PPP2R2C: variants seen among roughly 807,000 people sequenced by gnomAD.
PPP2R2C encodes the protein protein phosphatase 2, regulatory subunit B, gamma.
Under a neutral mutation model 45.3 loss-of-function variants are expected in PPP2R2C, and 10 were observed. The ratio of observed to expected loss-of-function variants is 0.22; its 90% CI spans 0.14 to 0.37. The LOEUF (loss-of-function observed/expected upper bound fraction) is 0.37, where lower values mean the gene tolerates loss of function less well. PPP2R2C is among the 10% of genes least tolerant of loss of function. The pLI is 1.00. For synonymous variants in PPP2R2C, 257 were observed against 245.4 expected (o/e 1.05, Z -0.44); for missense variants, 308 against 619.7 (o/e 0.50, Z 5.34).
At chr4:6,455,786 C>A (rs969650572) in intron 1 of PPP2R2C, among the ~76,000 whole-genome samples, 1 of 152,200 alleles carries the variant, frequency 6.6e-6, no homozygotes, top group Non-Finnish European at 1.5e-5. Flanking sequence ...GAACACACCA[C>A]GCCGTGCTGT....
At chr4:6,359,387 C>A (rs1713524325) in intron 5 of PPP2R2C, among the ~76,000 whole-genome samples, 1 of 152,062 alleles carries the variant, frequency 6.6e-6, no homozygotes. Flanking sequence ...GGAGAAATAC[C>A]TAATGTAAAT....
At chr4:6,347,794 C>T in intron 6 of PPP2R2C, 52 bp downstream of exon 6, 3 of 822,904 alleles carry the variant, frequency 3.6e-6, no homozygotes, top group Non-Finnish European at 5.6e-6. Flanking sequence ...GGACATCCCA[C>T]CCGCCCGCCT....
At chr4:6,432,451 C>T (rs1266020419) in intron 1 of PPP2R2C, among the ~76,000 whole-genome samples, 1 of 152,202 alleles carries the variant, frequency 6.6e-6, no homozygotes, top group East Asian at 1.9e-4. Flanking sequence ...CCTGCTGCCT[C>T]GTTTCCCCCT....
intron 3 of PPP2R2C, among the ~76,000 whole-genome samples, chr4:6,377,217 C>T (rs1301797202): frequency 3.3e-5 from 5 of 152,198 alleles, no homozygotes; most frequent in Non-Finnish European, 7.3e-5. Context: ...ACCTCGAAGC[C>T]TGGCTGGTGC....
intron 6 of PPP2R2C, among the ~76,000 whole-genome samples, chr4:6,337,159 T>C (rs1733041469): frequency 8.8e-6 from 1 of 113,130 alleles, no homozygotes; most frequent in South Asian, 3.1e-4. Context: ...TATATATATA[T>C]ATTTGTAGTT....
chr4:6,489,106 C>T (rs1014505811), intron 2 of PPP2R2C, among the ~76,000 whole-genome samples: 1 of 152,294 alleles, frequency 6.6e-6, no homozygotes, highest in Non-Finnish European at 1.5e-5. Context: ...TCTTTCAACT[C>T]GGGGGTTCCA....
At chr4:6,556,332 T>C (rs1396684850) in intron 1 of PPP2R2C, among the ~76,000 whole-genome samples, 2 of 152,188 alleles carry the variant, frequency 1.3e-5, no homozygotes, top group African/African-American at 4.8e-5. Context: ...TCTCTCTGTC[T>C]GTCTGCTGGA....
At chr4:6,425,804 G>A (rs930511683) in intron 1 of PPP2R2C, among the ~76,000 whole-genome samples, 4 of 150,964 alleles carry the variant, frequency 2.6e-5, no homozygotes, top group Admixed American at 6.7e-5. Flanking sequence ...GCCCAGAATC[G>A]ATGCTTGGCT....
chr4:6,539,767 C>G (rs536721771), intron 1 of PPP2R2C, among the ~76,000 whole-genome samples: 1 of 152,268 alleles, frequency 6.6e-6, no homozygotes, highest in Non-Finnish European at 1.5e-5. Context: ...TCCCGATTAC[C>G]CTCGCTCAGC....
chr4:6,419,341 G>A (rs1161329062), intron 1 of PPP2R2C, among the ~76,000 whole-genome samples: 2 of 152,058 alleles, frequency 1.3e-5, no homozygotes, highest in African/African-American at 2.4e-5. Context: ...CAGGAGAATC[G>A]CTTGAACCCG....
rs1212636122 is a variant in PPP2R2C, at chr4:6,332,871, C to T, written c.960+691G>A. Among the ~76,000 whole-genome samples the T allele has an allele frequency of 1.3e-5, 2 of 152,136 alleles. No individual in the cohort carries two copies. Among genetic ancestry groups the T allele is most frequent in the Non-Finnish European group, 2.9e-5 (2 of 68,032 alleles). The stretch of plus-strand genomic sequence containing the variant: ...CCAGATCTTACCCATCCTTCAAGGC[C>T]CAGCACAAATGCCACCTCCTCCAAG... On this transcript the variant is annotated intron_variant, in intron 7 of 8. Coordinates refer to ENST00000382599, the MANE Select transcript of PPP2R2C (RefSeq NM_020416.4). The surrounding 1 kb of genome is among the most constrained non-coding windows in gnomAD (Gnocchi z 4.9).
At chr4:6,340,682 C>T (rs952490718) in intron 6 of PPP2R2C, among the ~76,000 whole-genome samples, 2 of 152,252 alleles carry the variant, frequency 1.3e-5, no homozygotes, top group African/African-American at 2.4e-5. Flanking sequence ...AGCCAGCCCC[C>T]ACTTCTACCT....
chr4:6,397,751 G>A (rs2109344297), intron 1 of PPP2R2C, among the ~76,000 whole-genome samples: 1 of 152,270 alleles, frequency 6.6e-6, no homozygotes, highest in South Asian at 2.1e-4. Context: ...CCATAAAATG[G>A]GCTTAATATT....
chr4:6,480,338 G>A (rs1459232050), intron 2 of PPP2R2C, among the ~76,000 whole-genome samples: 2 of 152,092 alleles, frequency 1.3e-5, no homozygotes, highest in Non-Finnish European at 2.9e-5. Context: ...TGGTGTGCCG[G>A]AGCTTGCCCC....
intron 2 of PPP2R2C, among the ~76,000 whole-genome samples, chr4:6,522,110 C>T (rs1479735792): frequency 2.0e-5 from 3 of 152,166 alleles, no homozygotes; most frequent in Admixed American, 6.5e-5. Flanking sequence ...TGCACTCTCC[C>T]GGCCACTCAC....
Position 6,347,997 on chromosome 4 carries a change from G to C in PPP2R2C, c.639C>G (p.Ile213Met). The stretch of plus-strand genomic sequence containing the variant: ...TAAGGTCCTCCATGTTGGCCGGCTT[G>C]ATGTCCACGATGTCTGGGGGCAGTG... ...ITDRSFNIVD[I>M]KPANMEDLTE... The change falls in exon 6 of 9, where the codon ATC becomes ATG. Residue 213 changes from isoleucine to methionine, a missense_variant. Coordinates refer to ENST00000382599, the MANE Select transcript of PPP2R2C (RefSeq NM_020416.4). 2 of 1,613,894 alleles carry C rather than the reference G, an allele frequency of 1.2e-6. No individual in the cohort carries two copies. Among genetic ancestry groups the C allele is most frequent in the Non-Finnish European group, 1.7e-6 (2 of 1,179,918 alleles).
At chr4:6,442,061 CAG>C (rs963255877) in intron 1 of PPP2R2C, among the ~76,000 whole-genome samples, 1 of 152,198 alleles carries the variant, frequency 6.6e-6, no homozygotes, top group African/African-American at 2.4e-5. Context: ...AGGCAGCCAG[CAG>C]AGAGGACCGT....
At chr4:6,355,062 T>A (rs1713024186) in intron 5 of PPP2R2C, among the ~76,000 whole-genome samples, 1 of 152,252 alleles carries the variant, frequency 6.6e-6, no homozygotes, top group South Asian at 2.1e-4. Flanking sequence ...CTTTCTCTTT[T>A]TGCAAGCATT....
intron 6 of PPP2R2C, among the ~76,000 whole-genome samples, chr4:6,337,652 G>A (rs190208881): frequency 5.3e-5 from 8 of 152,146 alleles, no homozygotes; most frequent in African/African-American, 1.7e-4. Context: ...CAGAATCACA[G>A]GGGGCACCGG....
Sources: gnomAD v4.1 joint callset for allele counts (sites outside exome capture counted in the v4.1 genomes callset) on GRCh38, gnomAD v4.1.1 for gene constraint, Gnocchi (gnomAD v3.1) non-coding constraint, MANE v1.5 for transcripts, NCBI Gene and HGNC (gene_info 2026-07-23, HGNC 2026-07-21) for gene names.